Variants in CCDC88B observed in about 807,000 individuals in gnomAD.
CCDC88B encodes the protein coiled-coil and HOOK domain protein 88B, also known as coiled-coil domain-containing protein 88B.
A neutral mutation model predicts 183.7 loss-of-function variants in CCDC88B; 138 were observed. The ratio of observed to expected loss-of-function variants is 0.75; its 90% confidence interval spans 0.65 to 0.87. CCDC88B has a LOEUF of 0.87. CCDC88B is among the 40% of genes least tolerant of loss of function. CCDC88B has a pLI of 0.00. For missense variants in CCDC88B, 1,822 were observed against 1,965.6 expected (o/e 0.93, Z 1.38); for synonymous variants, 835 against 867.5 (o/e 0.96, Z 0.66).
At position 64,341,326 on chromosome 11, in the gene CCDC88B, C is replaced by G; in HGVS notation, c.445C>G (p.Gln149Glu). 6.2e-7 allele frequency: 1 copy of G among 1,614,112 alleles called. No homozygotes were observed. The highest frequency in any genetic ancestry group is 2.2e-5 in the East Asian group (1 of 44,874). Residue 149 changes from glutamine (Q) to glutamate (E), a missense_variant and splice_region_variant, in exon 5 of 27, where the codon CAG (glutamine) becomes GAG (glutamate). Physicochemically the swap from Gln to Glu is conservative, Grantham distance 29. Transcript: ENST00000356786. ...VLRLLLGASV[Q>E]CEHRELFIRH... ...TCGGCTACTGTTGGGAGCGTCAGTA[C>G]AGGTGAGCCGGCGGTGGGAAGGAAA... is the stretch of plus-strand genomic sequence containing the variant.
Position 64,341,139 on chromosome 11 carries a change from C to A in CCDC88B, c.349C>A (p.Pro117Thr). The A allele has an allele frequency of 1.2e-6, 2 of 1,614,104 alleles. No individual in the cohort carries two copies. The highest frequency in any genetic ancestry group is 1.7e-6 in the Non-Finnish European group (2 of 1,180,002). The change falls in exon 4 of 27, where the codon CCC becomes ACC. Residue 117 changes from proline (P) to threonine (T), a missense_variant. Coordinates refer to ENST00000356786, the MANE Select transcript of CCDC88B (RefSeq NM_032251.6). ...GCTGCAGCTGCTGATCCTGTCGCCA[C>A]CCCCAGACCTCCAGACATTGGGATT... ...EELQLLILSP[P>T]PDLQTLGFDP...
At position 64,342,643 on chromosome 11, in the gene CCDC88B, G is replaced by C. The variant is rs1459038221; in HGVS notation, c.1025G>C (p.Arg342Pro). Residue 342 changes from arginine to proline, a missense_variant, in exon 10 of 27, where the codon CGG (arginine) becomes CCG (proline). Transcript: ENST00000356786. Reference protein sequence around the residue: ...LQEELRRCRERLQAAEAYKSQ... With the variant: ...LQEELRRCREPLQAAEAYKSQ... Reference sequence around the variant, plus strand: ...GAGGAGCTGAGGCGCTGCCGCGAGCGGCTGCAGGCGGCTGAGGCCTACAAG... The same window carrying C: ...GAGGAGCTGAGGCGCTGCCGCGAGCCGCTGCAGGCGGCTGAGGCCTACAAG... The C allele has an allele frequency of 3.9e-6, 6 of 1,520,220 alleles. No homozygotes were observed. In the South Asian group the frequency reaches 4.9e-5, roughly 12 times the overall value. The allele number at this position is 1,520,220 out of a possible 1,614,324, so 94.2% of individuals were successfully genotyped here. A position where few individuals can be genotyped will look rare whatever the true frequency, so the allele number is the denominator to read the frequency against.
intron 10 of CCDC88B, 79 bp downstream of exon 10, chr11:64,342,759 G>C: frequency 7.1e-7 from 1 of 1,406,232 alleles, no homozygotes; most frequent in Non-Finnish European, 9.3e-7. Context: ...GGGTCCCGAG[G>C]GCAGAGAGGC....
Position 64,342,303 on chromosome 11 carries a change from G to C in CCDC88B, c.831G>C (p.Lys277Asn). ...LRRLRQELEE[K>N]AELLLDSQAE... ...CTCCCCTTCCCTCCAGGGAGGAGAAGGCCGAGCTGCTGCTAGACTCCCAGG... is the reference window on the plus strand; with the variant it reads ...CTCCCCTTCCCTCCAGGGAGGAGAACGCCGAGCTGCTGCTAGACTCCCAGG... Residue 277 changes from lysine (K) to asparagine (N), a missense_variant, in exon 9 of 27, where the codon AAG becomes AAC. Physicochemically the swap from Lys to Asn is moderately conservative, Grantham distance 94. Coordinates refer to ENST00000356786, the MANE Select transcript of CCDC88B (RefSeq NM_032251.6). 2 of 1,590,046 alleles carry C rather than the reference G, an allele frequency of 1.3e-6. No homozygotes were observed. The highest frequency in any genetic ancestry group is 1.7e-6 in the Non-Finnish European group (2 of 1,168,888).
chr11:64,343,374 C>G (rs878941230), intron 11 of CCDC88B, 49 bp downstream of exon 11: 2 of 1,543,314 alleles, frequency 1.3e-6, no homozygotes, highest in South Asian at 2.4e-5. Flanking sequence ...CACCCCATGA[C>G]CCCATTGATT....
intron 14 of CCDC88B, chr11:64,348,942 C>T: frequency 1.4e-6 from 1 of 711,008 alleles, no homozygotes; most frequent in Non-Finnish European, 2.6e-6. Flanking sequence ...TCTCACCCGA[C>T]CCACCTCTGC....
chr11:64,352,681 C>T (rs939480908), intron 19 of CCDC88B, 63 bp from the exon 20 acceptor site: 3 of 1,608,720 alleles, frequency 1.9e-6, no homozygotes, highest in Non-Finnish European at 2.5e-6. Context: ...TCCAGATAGT[C>T]CAGCCAGCTG....
Position 64,344,952 on chromosome 11 carries a change from T to C in CCDC88B, c.2411T>C (p.Leu804Pro). 1 of 1,554,414 alleles carries C rather than the reference T, an allele frequency of 6.4e-7. No homozygotes were observed. The highest frequency in any genetic ancestry group is 8.7e-7 in the Non-Finnish European group (1 of 1,150,294). Residue 804 changes from leucine (L) to proline (P), a missense_variant, in exon 14 of 27, where the codon CTG becomes CCG. Coordinates refer to ENST00000356786, the MANE Select transcript of CCDC88B (RefSeq NM_032251.6). The surrounding 1 kb of genome is among the most constrained non-coding windows in gnomAD (Gnocchi z 4.5). ...REAVEAAGQE[L>P]ESASQEREAL... The stretch of plus-strand genomic sequence containing the variant: ...GCAGTGGAGGCTGCTGGCCAGGAGC[T>C]GGAGTCTGCGTCCCAGGAACGGGAG...
rs1178833306 is a variant in CCDC88B, at chr11:64,354,010, C to A, written c.3939C>A (p.Gly1313=). 1 of 1,480,878 alleles carries A rather than the reference C, an allele frequency of 6.8e-7. No homozygotes were observed. The highest frequency in any genetic ancestry group is 2.3e-5 in the East Asian group (1 of 43,190). 91.7% of individuals were successfully genotyped at this position (1,480,878 alleles called of 1,614,324 possible). Reference sequence around the variant, plus strand: ...TGTGCCCTCTTGCCCCCAGGAAGGGCAGCTGGCTGGCAGACAAGGTGAAGA... The same window carrying A: ...TGTGCCCTCTTGCCCCCAGGAAGGGAAGCTGGCTGGCAGACAAGGTGAAGA... ...EPVPLPRTKK[G]SWLADKVKRL... The change falls in exon 24 of 27, where the codon GGC becomes GGA. Residue 1313 remains glycine, a synonymous_variant. Transcript: ENST00000356786.
chr11:64,349,669 G>A lies in CCDC88B; in HGVS notation c.2862+1G>A. The A allele has an allele frequency of 1.3e-6, 2 of 1,587,408 alleles. No individual in the cohort carries two copies. The highest frequency in any genetic ancestry group is 8.6e-7 in the Non-Finnish European group (1 of 1,167,148). ...GCAGCTGGAAGAGGAGCTGTTCCAG[G>A]TGATGCCTGCCCGCCTGGGAGCTGG... is the stretch of plus-strand genomic sequence containing the variant. On this transcript the variant is annotated splice_donor_variant, in intron 16 of 26. Coordinates refer to ENST00000356786, the MANE Select transcript of CCDC88B (RefSeq NM_032251.6). LOFTEE classifies it high-confidence loss of function.
At chr11:64,351,980 G>A in intron 18 of CCDC88B, 150 bp from the exon 19 acceptor site, 1 of 1,170,200 alleles carries the variant, frequency 8.5e-7, no homozygotes, top group Non-Finnish European at 1.2e-6. Context: ...GCTGGGGCTT[G>A]TACTGCCTGC....
Position 64,353,109 on chromosome 11 carries a change from C to A in CCDC88B, c.3556C>A (p.Arg1186Ser). The A allele has an allele frequency of 1.2e-6, 2 of 1,607,208 alleles. No individual in the cohort carries two copies. Among genetic ancestry groups the A allele is most frequent in the Non-Finnish European group, 1.7e-6 (2 of 1,177,668 alleles). Residue 1186 changes from arginine (R) to serine (S), a missense_variant, in exon 21 of 27, where the codon CGC (arginine) becomes AGC (serine). Coordinates refer to ENST00000356786, the MANE Select transcript of CCDC88B (RefSeq NM_032251.6). ...GGAGCGGGGTGAGCTGCAGGGTGAA[C>A]GCGGGGAGCTACGGGGCCGGCTGGC... Reference protein sequence around the residue: ...SRERGELQGERGELRGRLARL... With the variant: ...SRERGELQGESGELRGRLARL...
intron 1 of CCDC88B, 104 bp downstream of exon 1, chr11:64,340,430 G>C: frequency 7.6e-7 from 1 of 1,308,460 alleles, no homozygotes; most frequent in Non-Finnish European, 1.0e-6. Context: ...AGGCCGGAGG[G>C]GAGGGCTGGG....
At position 64,349,470 on chromosome 11, in the gene CCDC88B, G is replaced by A; in HGVS notation, c.2744+12G>A. 6.2e-7 allele frequency: 1 copy of A among 1,608,618 alleles called. No individual in the cohort carries two copies. The highest frequency in any genetic ancestry group is 2.2e-5 in the East Asian group (1 of 44,710). On this transcript the variant is annotated intron_variant, in intron 15 of 26. Coordinates refer to ENST00000356786, the MANE Select transcript of CCDC88B (RefSeq NM_032251.6). ...AGCCAGCACCAGAGGTGGGGACAGG[G>A]CTGAGGGGAAGAATGAGGGAGGCAG...
At chr11:64,350,309 G>C (rs1390166616) in intron 16 of CCDC88B, 1 of 153,308 alleles carries the variant, frequency 6.5e-6, no homozygotes, top group African/African-American at 2.4e-5. Flanking sequence ...AAGGCAGGTG[G>C]ATCACCTGAG....
At chr11:64,353,518 G>C (rs368855037) in intron 22 of CCDC88B, 22 bp downstream of exon 22, 58 of 1,606,840 alleles carry the variant, frequency 3.6e-5, no homozygotes, top group Non-Finnish European at 4.7e-5. Flanking sequence ...GCCTGGGAGC[G>C]GGGTGGGGCC....
chr11:64,355,730 A>C, intron 26 of CCDC88B, 102 bp downstream of exon 26: 1 of 1,153,760 alleles, frequency 8.7e-7, no homozygotes, highest in Non-Finnish European at 1.2e-6. Context: ...ATCCTTTACC[A>C]AGTGCCAGGT....
At position 64,352,350 on chromosome 11, in the gene CCDC88B, G is replaced by A. The variant is rs757773186; in HGVS notation, c.3320G>A (p.Arg1107Gln). ...CACCGAGACCTCAAGGCCAACATGC[G>A]GGCACTGGAGCTGGCCCACCGGGAG... ...VRHRDLKANM[R>Q]ALELAHRELQ... The change falls in exon 19 of 27, where the codon CGG becomes CAG. Residue 1107 changes from arginine (R) to glutamine (Q), a missense_variant. Transcript: ENST00000356786. 3 of 1,544,318 alleles carry A rather than the reference G, an allele frequency of 1.9e-6. No individual in the cohort carries two copies. Among genetic ancestry groups the A allele is most frequent in the Non-Finnish European group, 2.6e-6 (3 of 1,146,052 alleles).
Position 64,355,413 on chromosome 11 carries a change from G to T in CCDC88B, c.4306+13G>T. 6.3e-7 allele frequency: 1 copy of T among 1,592,516 alleles called. No homozygotes were observed. The highest frequency in any genetic ancestry group is 2.3e-5 in the East Asian group (1 of 44,014). On this transcript the variant is annotated intron_variant, in intron 25 of 26. Coordinates refer to ENST00000356786, the MANE Select transcript of CCDC88B (RefSeq NM_032251.6). ...TCCCACAGCAAAGGTGAGGGACAAG[G>T]GTCACTGTACCAGCCAGCCCCCCAA...
Sources: allele counts gnomAD v4.1 joint callset, GRCh38; gene constraint gnomAD v4.1.1; non-coding constraint Gnocchi (gnomAD v3.1); transcripts MANE v1.5; gene names NCBI Gene and HGNC (gene_info 2026-07-23, HGNC 2026-07-21).